SPMIP8: variants seen among roughly 807,000 people sequenced by gnomAD.
The protein encoded by SPMIP8 is testicular tissue protein Li 196.
the SPMIP8 span, among the ~76,000 whole-genome samples, chr16:57,978,897 A>G: frequency 6.6e-6 from 1 of 152,132 alleles, no homozygotes; most frequent in Non-Finnish European, 1.5e-5. Flanking sequence ...GATTACAGGC[A>G]TGAGCCACTG....
the SPMIP8 span, chr16:57,984,221 T>C: frequency 1.4e-6 from 2 of 1,467,858 alleles, no homozygotes; most frequent in East Asian, 2.3e-5. Context: ...ATTTTTAAAG[T>C]ACAGTGTGGG....
At chr16:57,984,835 A>G in the SPMIP8 span, 1 of 1,571,064 alleles carries the variant, frequency 6.4e-7, no homozygotes, top group Non-Finnish European at 8.6e-7. Flanking sequence ...CGCTGAAGGA[A>G]CTGCCGGGCA....
the SPMIP8 span, among the ~76,000 whole-genome samples, chr16:57,976,853 G>C: frequency 6.6e-6 from 1 of 152,172 alleles, no homozygotes; most frequent in South Asian, 2.1e-4. Context: ...AAAGCAAGCT[G>C]TCTCAACAAA....
chr16:57,985,161 TGGG>T, the SPMIP8 span: 6 of 1,435,830 alleles, frequency 4.2e-6, no homozygotes, highest in Admixed American at 3.0e-5. Context: ...GGGCTTGTCC[TGGG>T]GGGGGGCGGA....
chr16:57,987,079 A>G, the SPMIP8 span: 1 of 318,788 alleles, frequency 3.1e-6, no homozygotes, highest in African/African-American at 2.1e-5. Context: ...CCCGTCTCCC[A>G]CACGGGGAAA....
chr16:57,985,184 G>T, the SPMIP8 span: 1 of 1,501,108 alleles, frequency 6.7e-7, no homozygotes, highest in South Asian at 1.4e-5. Context: ...ATGAGCGCTC[G>T]AGAGGGGCTT....
chr16:57,979,263 C>A, the SPMIP8 span, among the ~76,000 whole-genome samples: 6 of 152,104 alleles, frequency 3.9e-5, no homozygotes, highest in Non-Finnish European at 1.5e-5. Flanking sequence ...GACAGGTGGG[C>A]TGAGGGTGTC....
chr16:57,984,737 G>A, the SPMIP8 span: 14 of 1,605,108 alleles, frequency 8.7e-6, no homozygotes, highest in East Asian at 2.7e-4. Context: ...CCTGCTTCAC[G>A]CGCGCCATCG....
the SPMIP8 span, chr16:57,984,822 G>A: frequency 1.3e-6 from 2 of 1,585,078 alleles, no homozygotes; most frequent in Non-Finnish European, 1.7e-6. Flanking sequence ...TCAGTCTACG[G>A]GCCGCTGAAG....
chr16:57,987,260 CAG>C, the SPMIP8 span: 6 of 830,984 alleles, frequency 7.2e-6, 1 homozygote, highest in South Asian at 1.8e-4. Context: ...ATACAGAAAA[CAG>C]GGAGCCACTG....
the SPMIP8 span, among the ~76,000 whole-genome samples, chr16:57,978,604 C>T: frequency 6.6e-6 from 1 of 151,724 alleles, no homozygotes. Context: ...ATTGCTGATG[C>T]CATTGTTGTT....
chr16:57,985,572 C>T, the SPMIP8 span: 23 of 1,571,620 alleles, frequency 1.5e-5, no homozygotes, highest in Non-Finnish European at 2.0e-5. Context: ...CGCCCGGGGA[C>T]CCCATATCTG....
the SPMIP8 span, chr16:57,985,063 G>T: frequency 2.6e-6 from 3 of 1,136,718 alleles, no homozygotes; most frequent in Non-Finnish European, 2.4e-6. Context: ...GTGGGGCAGC[G>T]GAGGCGGGAC....
the SPMIP8 span, chr16:57,984,859 G>C: frequency 1.9e-6 from 3 of 1,542,074 alleles, no homozygotes; most frequent in Non-Finnish European, 2.6e-6. Flanking sequence ...GGGCCGCGGG[G>C]CTGGAGCAGG....
chr16:57,981,392 A>ATT, the SPMIP8 span, among the ~76,000 whole-genome samples: 11 of 83,586 alleles, frequency 1.3e-4, no homozygotes, highest in African/African-American at 3.9e-4. Flanking sequence ...TAATAATAAT[A>ATT]ATTATTATTA....
At chr16:57,985,313 G>T in the SPMIP8 span, 4 of 1,556,938 alleles carry the variant, frequency 2.6e-6, no homozygotes, top group African/African-American at 5.5e-5. Context: ...GGGAGCGGGG[G>T]TCCTGGTGGG....
chr16:57,986,946 C>A, the SPMIP8 span: 1 of 155,522 alleles, frequency 6.4e-6, no homozygotes, highest in Non-Finnish European at 1.4e-5. Context: ...TGAAGTCTTC[C>A]CCCACCCTCT....
chr16:57,987,752 T>C, the SPMIP8 span: 1 of 306,946 alleles, frequency 3.3e-6, no homozygotes, highest in Non-Finnish European at 6.0e-6. Context: ...CAGCCAGAAT[T>C]GAGATCCAAG....
chr16:57,980,097 A>C, the SPMIP8 span, among the ~76,000 whole-genome samples: 1 of 152,160 alleles, frequency 6.6e-6, no homozygotes, highest in Non-Finnish European at 1.5e-5. Flanking sequence ...AGTTTAGAAA[A>C]GGAGACTTTA....
Sources: allele counts gnomAD v4.1 joint callset (sites outside exome capture counted in the v4.1 genomes callset), GRCh38; gene constraint gnomAD v4.1.1; transcripts MANE v1.5; gene names NCBI Gene and HGNC (gene_info 2026-07-23, HGNC 2026-07-21).